Variants in CDC14A observed in about 807,000 individuals in gnomAD.
CDC14A encodes the protein cell division cycle 14A.
Under a neutral mutation model 74.4 loss-of-function variants are expected in CDC14A, and 53 were observed. That is an observed-to-expected ratio of 0.71 (90% CI 0.57 to 0.89). CDC14A has a LOEUF of 0.89. Among genes scored for constraint, CDC14A ranks in the 40% least tolerant of loss-of-function variants. CDC14A has a pLI of 0.00. For synonymous variants in CDC14A, 247 were observed against 258.4 expected (o/e 0.96, Z 0.43); for missense variants, 646 against 713.7 (o/e 0.91, Z 1.08).
At chr1:100,488,324 A>G (rs7556075) in intron 11 of CDC14A, among the ~76,000 whole-genome samples, 8,213 of 152,186 alleles carry the variant, frequency 0.054, 741 homozygotes, top group African/African-American at 0.19. Context: ...TACAGGAGAC[A>G]TACCTGAGGT....
At chr1:100,355,816 C>A (rs1012511013) in intron 2 of CDC14A, among the ~76,000 whole-genome samples, 1 of 152,138 alleles carries the variant, frequency 6.6e-6, no homozygotes, top group Non-Finnish European at 1.5e-5. Flanking sequence ...GAGCTCCAAG[C>A]CTGTAGGGAA....
At chr1:100,361,157 C>T (rs1342876598) in intron 2 of CDC14A, among the ~76,000 whole-genome samples, 1 of 151,376 alleles carries the variant, frequency 6.6e-6, no homozygotes, top group Non-Finnish European at 1.5e-5. Context: ...AAAACACAAG[C>T]CTCACAAAAC....
chr1:100,442,878 G>GATCCTCACTAATCTGAAGTTCCAGAA, intron 6 of CDC14A, 56 bp from the exon 7 acceptor site: 1 of 1,142,998 alleles, frequency 8.7e-7, no homozygotes, highest in Middle Eastern at 1.9e-4. Context: ...TTCCAGAAAT[G>GATCCTCACTAATCTGAAGTTCCAGAA]ATGAGTAGAG....
At chr1:100,475,432 G>A (rs906756130) in intron 10 of CDC14A, among the ~76,000 whole-genome samples, 10 of 152,284 alleles carry the variant, frequency 6.6e-5, no homozygotes, top group African/African-American at 2.4e-4. Context: ...TTCAGTCAAT[G>A]TCAATGTGAG....
At chr1:100,466,814 G>C (rs1263777959) in intron 9 of CDC14A, among the ~76,000 whole-genome samples, 1 of 146,432 alleles carries the variant, frequency 6.8e-6, no homozygotes, top group Non-Finnish European at 1.5e-5. Flanking sequence ...AGGTTGTGGT[G>C]AGCCGAGATC....
chr1:100,460,722 T>C (rs1239211042), intron 8 of CDC14A, among the ~76,000 whole-genome samples: 3 of 152,252 alleles, frequency 2.0e-5, no homozygotes, highest in Non-Finnish European at 4.4e-5. Context: ...TTATTGTTTC[T>C]ACACAGAAGA....
intron 3 of CDC14A, among the ~76,000 whole-genome samples, chr1:100,378,158 A>G (rs1157813911): frequency 1.1e-4 from 16 of 152,226 alleles, no homozygotes; most frequent in Non-Finnish European, 2.9e-5. Flanking sequence ...TCATACATTT[A>G]GTATTCATCT....
At chr1:100,440,068 C>A (rs1388171255) in intron 6 of CDC14A, 70 bp downstream of exon 6, 13 of 1,145,948 alleles carry the variant, frequency 1.1e-5, no homozygotes, top group Middle Eastern at 1.9e-4. Context: ...ATAATCTCAA[C>A]ATCCTTATTT....
At chr1:100,368,169 A>G (rs966225538) in intron 2 of CDC14A, among the ~76,000 whole-genome samples, 3 of 152,130 alleles carry the variant, frequency 2.0e-5, no homozygotes, top group African/African-American at 7.2e-5. Flanking sequence ...AGTTATTTTG[A>G]TATGTCTTTT....
rs1209320799 is a variant in CDC14A at position 100,518,733 on chromosome 1, A to G, written c.*453A>G. 1 of 152,586 alleles carries G rather than the reference A, an allele frequency of 6.6e-6. No individual in the cohort carries two copies. Among genetic ancestry groups the G allele is most frequent in the Admixed American group, 6.5e-5 (1 of 15,272 alleles). The allele number at this position is 152,586 out of a possible 1,614,324, so 9.5% of individuals were successfully genotyped here. A position where few individuals can be genotyped will look rare whatever the true frequency, so the allele number is the denominator to read the frequency against. ...TTGCTACCAAAAATTTGTATTTTAA[A>G]TCTGTTTAGTTTTAGTATGGTTTTG... On this transcript the variant is annotated 3_prime_UTR_variant, in exon 16 of 16. Transcript: ENST00000336454.
intron 10 of CDC14A, among the ~76,000 whole-genome samples, chr1:100,481,866 CAT>C (rs973688998): frequency 3.9e-5 from 6 of 152,136 alleles, no homozygotes; most frequent in African/African-American, 9.7e-5. Flanking sequence ...CTTAAAAATA[CAT>C]GTTTTACTTC....
rs1166965471 is a variant in CDC14A, at chr1:100,494,891, G to C, written c.1211G>C (p.Ser404Thr). The change falls in exon 12 of 16, where the codon AGT becomes ACT. Residue 404 changes from serine to threonine, a missense_variant. Transcript: ENST00000336454. ...GGAGACAAACTACGTGCCTTAAAAA[G>C]TCAGAGACAGCCACGTACCTCACCA... ...TQGDKLRALK[S>T]QRQPRTSPSC... The C allele has an allele frequency of 6.2e-7, 1 of 1,612,880 alleles. No individual in the cohort carries two copies. Among genetic ancestry groups the C allele is most frequent in the African/African-American group, 1.3e-5 (1 of 74,864 alleles).
rs758252074 is a variant in CDC14A, at chr1:100,443,502, A to ATT, written c.519+520_519+521dup. On this transcript the variant is annotated intron_variant, in intron 7 of 15. Transcript: ENST00000336454. ...AGGTGCATGCCACCATGTCTGGCTA[A>ATT]TTTTTTTTTTTTTTTAAAGACAGGA... Among the ~76,000 whole-genome samples, 185 of 142,222 alleles carry ATT rather than the reference A, an allele frequency of 1.3e-3. 1 individual carries two copies. Among genetic ancestry groups the ATT allele is most frequent in the African/African-American group, 4.6e-3 (180 of 38,820 alleles). The allele number at this position is 142,222 out of a possible 152,430, so 93.3% of individuals were successfully genotyped here.
At chr1:100,471,845 T>C (rs1032224832) in intron 10 of CDC14A, among the ~76,000 whole-genome samples, 1 of 152,154 alleles carries the variant, frequency 6.6e-6, no homozygotes, top group Non-Finnish European at 1.5e-5. Flanking sequence ...AAGGAATTCC[T>C]GATGAGTTGT....
chr1:100,395,257 C>G (rs914565832), intron 4 of CDC14A, among the ~76,000 whole-genome samples: 2 of 152,170 alleles, frequency 1.3e-5, no homozygotes, highest in African/African-American at 4.8e-5. Context: ...GATCAAATAT[C>G]CAACTGCCTG....
chr1:100,459,766 C>T (rs1049003411), intron 8 of CDC14A, among the ~76,000 whole-genome samples: 1 of 152,122 alleles, frequency 6.6e-6, no homozygotes, highest in Non-Finnish European at 1.5e-5. Context: ...TGGGTCGGCA[C>T]ATTATACACA....
At chr1:100,447,536 A>T (rs1216496747) in intron 7 of CDC14A, among the ~76,000 whole-genome samples, 2 of 152,242 alleles carry the variant, frequency 1.3e-5, no homozygotes, top group Admixed American at 1.3e-4. Flanking sequence ...TTCTTAAGGT[A>T]TTCTCAAAGA....
chr1:100,450,814 A>C (rs55983805), intron 7 of CDC14A, among the ~76,000 whole-genome samples: 1 of 151,790 alleles, frequency 6.6e-6, no homozygotes, highest in African/African-American at 2.4e-5. Context: ...TTCCTTCTTT[A>C]ATCTCCAAAC....
chr1:100,408,729 T>C (rs1017031339), intron 4 of CDC14A, among the ~76,000 whole-genome samples: 24 of 152,232 alleles, frequency 1.6e-4, no homozygotes, highest in African/African-American at 5.8e-4. Flanking sequence ...TTTTGAAAGG[T>C]GTCTGCTCAT....
Sources: gnomAD v4.1 joint callset for allele counts (sites outside exome capture counted in the v4.1 genomes callset) on GRCh38, gnomAD v4.1.1 for gene constraint, MANE v1.5 for transcripts, NCBI Gene and HGNC (gene_info 2026-07-23, HGNC 2026-07-21) for gene names.